SORL1: variants seen among roughly 807,000 people sequenced by gnomAD.
SORL1 encodes the protein sortilin-related receptor.
SORL1 carries 127 observed loss-of-function variants against 273.7 expected under a neutral mutation model. The ratio of observed to expected loss-of-function variants is 0.46; its 90% CI spans 0.40 to 0.54. The LOEUF is 0.54. Among genes scored for constraint, SORL1 ranks in the 20% least tolerant of loss-of-function variants. The pLI is 0.00. For missense variants in SORL1, 2,494 were observed against 2,846.1 expected (o/e 0.88, Z 2.81); for synonymous variants, 1,031 against 1,067.4 (o/e 0.97, Z 0.66).
At chr11:121,489,981 T>C in intron 4 of SORL1, 62 bp from the exon 5 acceptor site, 2 of 1,217,090 alleles carry the variant, frequency 1.6e-6, no homozygotes, top group East Asian at 2.3e-5. Flanking sequence ...GGGTGTTTGA[T>C]GGTGATGCCA....
intron 28 of SORL1, 129 bp from the exon 29 acceptor site, chr11:121,589,129 AG>A: frequency 1.0e-6 from 1 of 970,422 alleles, no homozygotes; most frequent in African/African-American, 1.6e-5. Context: ...TTTGCTTTCA[AG>A]GCATGGTTTA....
chr11:121,485,343 AG>A (rs1384760749), intron 3 of SORL1, among the ~76,000 whole-genome samples: 5 of 152,220 alleles, frequency 3.3e-5, no homozygotes, highest in Non-Finnish European at 7.3e-5. Context: ...AGAGCTGTTA[AG>A]GGGTGAGATG....
At chr11:121,542,686 G>A (rs994390711) in intron 12 of SORL1, among the ~76,000 whole-genome samples, 3 of 151,906 alleles carry the variant, frequency 2.0e-5, no homozygotes, top group Non-Finnish European at 4.4e-5. Flanking sequence ...TTCCCCATTT[G>A]TAGTGAATGA....
At chr11:121,559,434 C>T (rs557888946) in intron 20 of SORL1, 85 bp from the exon 21 acceptor site, 7 of 1,400,516 alleles carry the variant, frequency 5.0e-6, no homozygotes, top group Admixed American at 2.2e-5. Context: ...TTAGTTGTCT[C>T]CTGCCTGGGG....
intron 32 of SORL1, among the ~76,000 whole-genome samples, 192 bp from the exon 33 acceptor site, chr11:121,604,001 C>A (rs1035571258): frequency 1.3e-5 from 2 of 152,344 alleles, no homozygotes; most frequent in African/African-American, 4.8e-5. Context: ...TTCCCGAATG[C>A]AGATTCCAGT....
intron 6 of SORL1, among the ~76,000 whole-genome samples, chr11:121,506,796 G>A (rs913925268): frequency 1.3e-5 from 2 of 152,102 alleles, no homozygotes; most frequent in Admixed American, 6.5e-5. Context: ...TACATTTAAT[G>A]TAATTACTGA....
Position 121,557,397 on chromosome 11 carries a change from C to T in SORL1, c.2655C>T (p.Pro885=), listed in dbSNP as rs1233912263. ...LDRPRALVLV[P]QEGVMFWTDW... Reference sequence around the variant, plus strand: ...GTCCCAGGGCTCTGGTCCTCGTGCCCCAAGAGGGGTAAGTGTTGCCCCAAA... The same window carrying T: ...GTCCCAGGGCTCTGGTCCTCGTGCCTCAAGAGGGGTAAGTGTTGCCCCAAA... The change falls in exon 19 of 48, where the codon CCC becomes CCT. Residue 885 remains proline (P), a synonymous_variant. Coordinates refer to ENST00000260197, the MANE Select transcript of SORL1 (RefSeq NM_003105.6). 1 of 1,612,714 alleles carries T rather than the reference C, an allele frequency of 6.2e-7. No individual in the cohort carries two copies. Among genetic ancestry groups the T allele is most frequent in the Admixed American group, 1.7e-5 (1 of 60,016 alleles).
In SORL1 at chr11:121,589,347, C is replaced by G; in HGVS notation, c.4035C>G (p.Asp1345Glu). 1 of 1,613,778 alleles carries G rather than the reference C, an allele frequency of 6.2e-7. No individual in the cohort carries two copies. The highest frequency in any genetic ancestry group is 8.5e-7 in the Non-Finnish European group (1 of 1,179,688). Reference protein sequence around the residue: ...GVCISLIWKCDGMDDCGDYSD... With the variant: ...GVCISLIWKCEGMDDCGDYSD... Reference sequence around the variant, plus strand: ...GCATCAGTTTGATTTGGAAGTGCGACGGGATGGATGATTGCGGCGATTATT... The same window carrying G: ...GCATCAGTTTGATTTGGAAGTGCGAGGGGATGGATGATTGCGGCGATTATT... The change falls in exon 29 of 48, where the codon GAC becomes GAG. Residue 1345 changes from aspartate (D) to glutamate (E), a missense_variant. Asp to Glu is a conservative substitution (Grantham distance 45). Around this residue, in one of 3 missense-constraint regions of SORL1, gnomAD observed 1,609 missense variants for 1,816.4 expected, o/e 0.89. Coordinates refer to ENST00000260197, the MANE Select transcript of SORL1 (RefSeq NM_003105.6).
rs766056869 is a variant in SORL1 at position 121,591,045 on chromosome 11, C to G, written c.4258C>G (p.Leu1420Val). The G allele has an allele frequency of 1.1e-5, 18 of 1,614,118 alleles. No individual in the cohort carries two copies. The highest frequency in any genetic ancestry group is 3.3e-5 in the Admixed American group (2 of 60,016). Residue 1420 changes from leucine to valine, a missense_variant, in exon 31 of 48, where the codon CTG (leucine) becomes GTG (valine). This residue lies in a region of SORL1 where 1,609 missense variants were observed against 1,816.4 expected (regional missense o/e 0.89). Transcript: ENST00000260197. ...PFSTPGPSTCLPNYYRCSSGT... is the reference protein window; with the variant it reads ...PFSTPGPSTCVPNYYRCSSGT... ...CTCGACTCCTGGGCCCTCCACGTGT[C>G]TGCCCAATTACTACCGCTGCAGCAG...
chr11:121,572,635 C>T (rs1007689636), intron 23 of SORL1, among the ~76,000 whole-genome samples: 3 of 152,130 alleles, frequency 2.0e-5, no homozygotes, highest in Non-Finnish European at 4.4e-5. Context: ...AGGAGCTGGA[C>T]CGCAGTGACT....
chr11:121,479,938 C>T (rs1591554873), intron 3 of SORL1, among the ~76,000 whole-genome samples: 1 of 152,290 alleles, frequency 6.6e-6, no homozygotes, highest in South Asian at 2.1e-4. Flanking sequence ...GCCCCATAGA[C>T]GGGTCAGCCA....
At chr11:121,624,170 G>T (rs2134952801) in intron 45 of SORL1, among the ~76,000 whole-genome samples, 1 of 152,330 alleles carries the variant, frequency 6.6e-6, no homozygotes, top group Middle Eastern at 3.4e-3. Context: ...ATAGGAGCTA[G>T]AATTCAAGAT....
rs368009426 is a variant in SORL1, at chr11:121,589,411, C to T, written c.4078+21C>T. On this transcript the variant is annotated intron_variant, in intron 29 of 47. Coordinates refer to ENST00000260197, the MANE Select transcript of SORL1 (RefSeq NM_003105.6). Reference sequence around the variant, plus strand: ...CTGCGGTAAGATGTCCAGTCTGCCTCCTCACATCCTAATCCTCTAGTTAAC... The same window carrying T: ...CTGCGGTAAGATGTCCAGTCTGCCTTCTCACATCCTAATCCTCTAGTTAAC... 1.5e-5 allele frequency: 24 copies of T among 1,611,704 alleles called. No homozygotes were observed. In the African/African-American group the frequency reaches 3.1e-4, roughly 21 times the overall value.
At chr11:121,477,263 A>C (rs599920) in intron 2 of SORL1, among the ~76,000 whole-genome samples, 151,001 of 152,324 alleles carry the variant, frequency 0.99, 74,866 homozygotes, top group Middle Eastern at 1. Context: ...TCACTCAGCA[A>C]TCTTTCATTT....
intron 11 of SORL1, among the ~76,000 whole-genome samples, chr11:121,529,080 T>C (rs1862164254): frequency 6.6e-6 from 1 of 152,216 alleles, no homozygotes; most frequent in African/African-American, 2.4e-5. Flanking sequence ...TTCACATTTA[T>C]AATAATATTT....
intron 1 of SORL1, among the ~76,000 whole-genome samples, chr11:121,458,192 T>C (rs780481223): frequency 1.3e-5 from 2 of 152,244 alleles, no homozygotes; most frequent in Non-Finnish European, 2.9e-5. Context: ...TTTACCTTCC[T>C]AATTAAGTTT....
chr11:121,628,393 G>A (rs778599398), intron 47 of SORL1, among the ~76,000 whole-genome samples: 1 of 152,174 alleles, frequency 6.6e-6, no homozygotes, highest in Non-Finnish European at 1.5e-5. Flanking sequence ...CATAGGGAGC[G>A]CTCAGTCTGG....
At chr11:121,560,760 C>T (rs1480570499) in intron 21 of SORL1, among the ~76,000 whole-genome samples, 2 of 151,976 alleles carry the variant, frequency 1.3e-5, no homozygotes, top group African/African-American at 2.4e-5. Context: ...AAATGTAAGA[C>T]GATATTATTT....
In SORL1 at chr11:121,514,335, G is replaced by T; in HGVS notation, c.1211+14G>T. The T allele has an allele frequency of 6.2e-7, 1 of 1,607,278 alleles. No individual in the cohort carries two copies. The highest frequency in any genetic ancestry group is 1.1e-5 in the South Asian group (1 of 90,144). ...CACCTTGGTGAGGTAAGGAGACTGT[G>T]AGTCCTTCTCCTGCCTTCTTAGGCC... is the stretch of plus-strand genomic sequence containing the variant. On this transcript the variant is annotated intron_variant, in intron 8 of 47. Transcript: ENST00000260197.
Sources: gnomAD v4.1 joint callset for allele counts (sites outside exome capture counted in the v4.1 genomes callset) on GRCh38, gnomAD v4.1.1 for gene constraint, gnomAD v4.1.1 regional missense constraint, MANE v1.5 for transcripts, NCBI Gene and HGNC (gene_info 2026-07-23, HGNC 2026-07-21) for gene names.